Variants in WASHC3 observed in about 807,000 individuals in gnomAD.
WASHC3 encodes the protein WASH complex subunit CCDC53.
WASHC3 carries 24 observed loss-of-function variants against 26.1 expected under a neutral mutation model. The observed-to-expected ratio is 0.92, with a 90% confidence interval of 0.66 to 1.29. The LOEUF is 1.29. Ranked by LOEUF, WASHC3 falls within the 50% of genes most tolerant of loss-of-function variation. The pLI is 0.00. For missense variants in WASHC3, 214 were observed against 229.6 expected (o/e 0.93, Z 0.44); for synonymous variants, 77 against 75.7 (o/e 1.02, Z -0.09).
Position 102,044,187 on chromosome 12 carries a change from T to A in WASHC3, c.242A>T (p.Asp81Val). 1 of 1,607,960 alleles carries A rather than the reference T, an allele frequency of 6.2e-7. No individual in the cohort carries two copies. ...AKLSSIPGLDDVTVEVSPLNV... is the reference protein window; with the variant it reads ...AKLSSIPGLDVVTVEVSPLNV... ...TAAAGGAGATACTTCAACTGTGACA[T>A]CATCTAGGCCTGGGATAGATGACAA... Residue 81 changes from aspartate to valine, a missense_variant, in exon 4 of 7, where the codon GAT becomes GTT. Asp to Val is a radical substitution (Grantham distance 152). Transcript: ENST00000240079.
At chr12:102,026,130 A>T in intron 5 of WASHC3, 92 bp from the exon 6 acceptor site, 1 of 670,262 alleles carries the variant, frequency 1.5e-6, no homozygotes, top group Non-Finnish European at 2.5e-6. Context: ...CAGATGCCTC[A>T]TTATTTAAAA....
At chr12:102,017,409 G>A (rs1471888292) in intron 6 of WASHC3, among the ~76,000 whole-genome samples, 1 of 152,148 alleles carries the variant, frequency 6.6e-6, no homozygotes, top group Non-Finnish European at 1.5e-5. Flanking sequence ...TGCTGAAGTC[G>A]GTCAGAGAAG....
intron 2 of WASHC3, among the ~76,000 whole-genome samples, chr12:102,049,977 GAA>G (rs912866314): frequency 1.3e-5 from 2 of 152,066 alleles, no homozygotes; most frequent in African/African-American, 4.8e-5. Flanking sequence ...TTAGAAAAAA[GAA>G]AAATTTCAGA....
At chr12:102,029,835 A>T (rs1177913673) in intron 5 of WASHC3, among the ~76,000 whole-genome samples, 2 of 152,172 alleles carry the variant, frequency 1.3e-5, no homozygotes, top group Non-Finnish European at 2.9e-5. Flanking sequence ...TGGTGGAAAA[A>T]ACTTTTTCTT....
chr12:102,048,972 CT>C (rs549767384), intron 2 of WASHC3, among the ~76,000 whole-genome samples: 51 of 152,252 alleles, frequency 3.3e-4, no homozygotes, highest in Admixed American at 1.5e-3. Flanking sequence ...TGAATGTATA[CT>C]TTTTAAAGAG....
At chr12:102,025,860 C>T (rs1358400277) in intron 6 of WASHC3, 114 bp downstream of exon 6, 1 of 667,180 alleles carries the variant, frequency 1.5e-6, no homozygotes, top group Non-Finnish European at 2.6e-6. Flanking sequence ...AGATGATATC[C>T]TCAACCATAA....
At chr12:102,036,638 T>C (rs892319953) in intron 5 of WASHC3, among the ~76,000 whole-genome samples, 2 of 151,992 alleles carry the variant, frequency 1.3e-5, no homozygotes, top group Non-Finnish European at 2.9e-5. Context: ...TAAGAGCAGA[T>C]AGAAGAATGA....
intron 5 of WASHC3, among the ~76,000 whole-genome samples, chr12:102,039,331 A>G (rs1199876470): frequency 1.3e-5 from 2 of 151,874 alleles, no homozygotes; most frequent in African/African-American, 2.4e-5. Flanking sequence ...AACTACTGAA[A>G]TACTTTCTAA....
chr12:102,061,092 G>A (rs1030722358), intron 2 of WASHC3, among the ~76,000 whole-genome samples, 156 bp downstream of exon 2: 5 of 151,958 alleles, frequency 3.3e-5, no homozygotes, highest in Admixed American at 3.3e-4. Context: ...GATTTTAACA[G>A]AGTAAAAGAG....
At chr12:102,052,843 T>C (rs538564553) in intron 2 of WASHC3, among the ~76,000 whole-genome samples, 2 of 151,148 alleles carry the variant, frequency 1.3e-5, no homozygotes, top group East Asian at 3.9e-4. Flanking sequence ...ACTATTGCCG[T>C]AGGACCCAGG....
intron 6 of WASHC3, among the ~76,000 whole-genome samples, chr12:102,013,714 T>C (rs1252649596): frequency 6.6e-6 from 1 of 152,218 alleles, no homozygotes; most frequent in Non-Finnish European, 1.5e-5. Flanking sequence ...CGAAGAAGGT[T>C]CTTAATGTTT....
intron 6 of WASHC3, among the ~76,000 whole-genome samples, chr12:102,014,981 A>G (rs1876636244): frequency 6.6e-6 from 1 of 152,236 alleles, no homozygotes; most frequent in Non-Finnish European, 1.5e-5. Context: ...ACAACAATGT[A>G]CATAACTTCC....
chr12:102,015,405 G>C (rs1165147965), intron 6 of WASHC3, among the ~76,000 whole-genome samples: 1 of 152,178 alleles, frequency 6.6e-6, no homozygotes, highest in Non-Finnish European at 1.5e-5. Flanking sequence ...ATATTACATA[G>C]TAACTAAGAA....
chr12:102,062,071 G>C, upstream of WASHC3: 1 of 896,944 alleles, frequency 1.1e-6, no homozygotes, highest in Non-Finnish European at 1.7e-6. Flanking sequence ...CCGCCTCCGG[G>C]GCCCTTCCCG....
intron 2 of WASHC3, 85 bp downstream of exon 2, chr12:102,061,163 T>A (rs1313139226): frequency 1.2e-6 from 1 of 861,244 alleles, no homozygotes; most frequent in Admixed American, 2.1e-5. Context: ...ATAAAGACTG[T>A]AATTCTTGTT....
intron 2 of WASHC3, chr12:102,050,616 C>T (rs911626436): frequency 7.3e-5 from 33 of 452,536 alleles, no homozygotes; most frequent in Non-Finnish European, 1.3e-4. Flanking sequence ...GCACTCCAGC[C>T]TCGGTGATAC....
At chr12:102,061,118 A>T in intron 2 of WASHC3, 130 bp downstream of exon 2, 1 of 637,580 alleles carries the variant, frequency 1.6e-6, no homozygotes. Context: ...AAGATGTGTT[A>T]ACACAATTGG....
intron 6 of WASHC3, among the ~76,000 whole-genome samples, chr12:102,014,722 G>C (rs1335121308): frequency 2.6e-5 from 4 of 152,128 alleles, no homozygotes; most frequent in African/African-American, 9.7e-5. Context: ...GCAGTTCCAG[G>C]ATTTGACTGA....
Position 102,061,287 on chromosome 12 carries a change from A to G in WASHC3, c.111T>C (p.Thr37=), listed in dbSNP as rs772181698. The G allele has an allele frequency of 1.2e-6, 2 of 1,613,972 alleles. No individual in the cohort carries two copies. Among genetic ancestry groups the G allele is most frequent in the Admixed American group, 1.7e-5 (1 of 60,020 alleles). Residue 37 remains threonine, a synonymous_variant, in exon 2 of 7, where the codon ACT becomes ACC. Coordinates refer to ENST00000240079, the MANE Select transcript of WASHC3 (RefSeq NM_016053.4). ...VAFLNQFVVH[T]VQFLNRFSTV... is the part of the protein sequence containing the mutation. ...TAGAAAAGCGGTTGAGGAACTGTAC[A>G]GTGTGCACCACAAATTGGTTTAGAA...
Sources: gnomAD v4.1 joint callset for allele counts (sites outside exome capture counted in the v4.1 genomes callset) on GRCh38, gnomAD v4.1.1 for gene constraint, MANE v1.5 for transcripts, NCBI Gene and HGNC (gene_info 2026-07-23, HGNC 2026-07-21) for gene names.